Variants in PTPRT observed in about 807,000 individuals in gnomAD.
PTPRT encodes protein tyrosine phosphatase receptor type T.
In PTPRT, 56 loss-of-function variants were observed where a neutral mutation model predicts 176.8. The observed-to-expected ratio is 0.32, with a 90% confidence interval of 0.26 to 0.40. The LOEUF is 0.40. Ranked by LOEUF, PTPRT falls within the 10% of genes least tolerant of loss-of-function variation. The pLI is 1.00. For synonymous variants in PTPRT, 783 were observed against 739.0 expected, an observed-to-expected ratio of 1.06 and a Z score of -0.96; for missense variants, 1,540 against 1,908.2, an observed-to-expected ratio of 0.81 and a Z score of 3.60.
chr20:42,463,433 T>C (rs1344380966), intron 8 of PTPRT, among the ~76,000 whole-genome samples: 2 of 152,178 alleles, frequency 1.3e-5, no homozygotes, highest in African/African-American at 4.8e-5. Context: ...CTAAAATTGC[T>C]AATTTTAACT....
intron 2 of PTPRT, among the ~76,000 whole-genome samples, chr20:42,851,655 A>G (rs1052899770): frequency 6.6e-6 from 1 of 152,222 alleles, no homozygotes; most frequent in Non-Finnish European, 1.5e-5. Context: ...TATTTTTCGT[A>G]AAGAGCTAGA....
chr20:42,852,444 A>G (rs1210189512), intron 2 of PTPRT, among the ~76,000 whole-genome samples: 1 of 152,196 alleles, frequency 6.6e-6, no homozygotes, highest in Non-Finnish European at 1.5e-5. Context: ...GCACATAGAA[A>G]AAACCTGCTA....
In PTPRT at chr20:42,963,587, A is replaced by C. The variant is rs1049662663; in HGVS notation, c.89-77655T>G. On this transcript the variant is annotated intron_variant, in intron 1 of 30. Transcript: ENST00000373187. ...TTATAGAAAGAATATAAATGCTATA[A>C]ATAGTTCTTTGTAAAAGATAGAGAC... Among the ~76,000 whole-genome samples, 6 of 150,032 alleles carry C rather than the reference A, an allele frequency of 4.0e-5. No homozygotes were observed. The South Asian group carries it at 1.0e-3, about 26-fold the overall frequency.
At chr20:42,241,841 A>G (rs1251715331) in intron 14 of PTPRT, among the ~76,000 whole-genome samples, 3 of 152,104 alleles carry the variant, frequency 2.0e-5, no homozygotes, top group Non-Finnish European at 4.4e-5. Context: ...CCACCTCGAT[A>G]AATCACTCAA....
chr20:42,322,370 C>T lies in PTPRT; in HGVS notation c.1866-6374G>A, dbSNP rs1037000865. ...CCTGACTTCAAACTATACTACAAGG[C>T]TACAGTAACCAAAACAGCATGGTAC... On this transcript the variant is annotated intron_variant, in intron 11 of 30. Transcript: ENST00000373187. Among the ~76,000 whole-genome samples, 42 of 146,930 alleles carry T rather than the reference C, an allele frequency of 2.9e-4. 1 individual carries two copies. The highest frequency in any genetic ancestry group is 2.6e-3 in the Admixed American group (38 of 14,896).
chr20:42,509,664 C>T, intron 7 of PTPRT, among the ~76,000 whole-genome samples: 1 of 151,604 alleles, frequency 6.6e-6, no homozygotes, highest in East Asian at 1.9e-4. Flanking sequence ...CAGAATAGCT[C>T]AGGATTCTTT....
At chr20:43,151,610 C>A (rs2014357948) in intron 1 of PTPRT, among the ~76,000 whole-genome samples, 1 of 152,002 alleles carries the variant, frequency 6.6e-6, no homozygotes, top group African/African-American at 2.4e-5. Flanking sequence ...ATCTGCAATC[C>A]CAGCACTTCA....
chr20:42,186,660 G>A (rs2146618338), intron 16 of PTPRT, among the ~76,000 whole-genome samples: 1 of 152,178 alleles, frequency 6.6e-6, no homozygotes, highest in Non-Finnish European at 1.5e-5. Context: ...CAAAAGAATT[G>A]TTTTAACCCA....
At position 42,119,013 on chromosome 20, in the gene PTPRT, G is replaced by GAAAA. The variant is rs11415242; in HGVS notation, c.2885-517_2885-514dup. Reference sequence around the variant, plus strand: ...CTCTAGGGCCTCAACAGAAAGGAAGGAAAAAAAAAAAAAAAAAAAAAAAAA... The same window carrying GAAAA: ...CTCTAGGGCCTCAACAGAAAGGAAGGAAAAAAAAAAAAAAAAAAAAAAAAAAAAA... On this transcript the variant is annotated intron_variant, in intron 20 of 30. Coordinates refer to ENST00000373187, the MANE Select transcript of PTPRT (RefSeq NM_007050.6). 9.9e-4 allele frequency among the ~76,000 whole-genome samples: 29 copies of GAAAA among 29,222 alleles called. 3 individuals carry two copies. Among genetic ancestry groups the GAAAA allele is most frequent in the Admixed American group, 1.4e-3 (3 of 2,174 alleles). 19.2% of individuals were successfully genotyped at this position (29,222 alleles called of 152,430 possible).
chr20:42,116,141 A>G (rs1987272273), intron 21 of PTPRT: 1 of 714,402 alleles, frequency 1.4e-6, no homozygotes, highest in South Asian at 1.5e-5. Flanking sequence ...AAAACAAACA[A>G]AAAAAGGTTT....
intron 1 of PTPRT, among the ~76,000 whole-genome samples, chr20:42,906,025 C>T (rs1169697586): frequency 6.6e-6 from 1 of 152,098 alleles, no homozygotes; most frequent in African/African-American, 2.4e-5. Context: ...ATGTATCGAA[C>T]CTGCACGTTG....
intron 7 of PTPRT, among the ~76,000 whole-genome samples, chr20:42,670,038 C>T (rs983228522): frequency 1.3e-5 from 2 of 152,144 alleles, no homozygotes; most frequent in Non-Finnish European, 2.9e-5. Context: ...ACAACATGCA[C>T]ACAGCCACAT....
intron 1 of PTPRT, among the ~76,000 whole-genome samples, chr20:43,114,286 G>C (rs2012972182): frequency 6.6e-6 from 1 of 152,154 alleles, no homozygotes; most frequent in African/African-American, 2.4e-5. Context: ...GGCTATATGT[G>C]TAATGGTTTA....
At chr20:42,631,343 G>T (rs1347097723) in intron 7 of PTPRT, among the ~76,000 whole-genome samples, 2 of 152,092 alleles carry the variant, frequency 1.3e-5, no homozygotes, top group Non-Finnish European at 2.9e-5. Flanking sequence ...AAATGTTCCT[G>T]AAGACTTAAA....
At chr20:42,954,688 G>A (rs1981507585) in intron 1 of PTPRT, among the ~76,000 whole-genome samples, 1 of 152,260 alleles carries the variant, frequency 6.6e-6, no homozygotes, top group East Asian at 1.9e-4. Context: ...AAGCAAAAGA[G>A]ATTTCCTGTT....
intron 9 of PTPRT, among the ~76,000 whole-genome samples, chr20:42,405,319 T>C (rs527747033): frequency 6.6e-6 from 1 of 152,100 alleles, no homozygotes; most frequent in East Asian, 1.9e-4. Flanking sequence ...ATTATGTATA[T>C]CTCCTAATGC....
intron 1 of PTPRT, among the ~76,000 whole-genome samples, chr20:43,174,587 C>T (rs2015082726): frequency 6.6e-6 from 1 of 152,132 alleles, no homozygotes; most frequent in Non-Finnish European, 1.5e-5. Flanking sequence ...GATTTTTCCC[C>T]TTCTTGCATT....
rs369729101 is a variant in PTPRT, at chr20:42,713,449, T to C, written c.860-35290A>G. Among the ~76,000 whole-genome samples, 63 of 152,316 alleles carry C rather than the reference T, an allele frequency of 4.1e-4. 1 individual carries two copies. Among genetic ancestry groups the C allele is most frequent in the East Asian group, 3.9e-3 (20 of 5,176 alleles). On this transcript the variant is annotated intron_variant, in intron 6 of 30. Transcript: ENST00000373187. ...CTGGAGCCCACTACCCAAAGGTTTC[T>C]CATGGGCAAAATTTTTCTCTTCTCT...
intron 7 of PTPRT, among the ~76,000 whole-genome samples, chr20:42,636,297 T>G (rs1272038209): frequency 6.6e-6 from 1 of 152,172 alleles, no homozygotes; most frequent in Non-Finnish European, 1.5e-5. Flanking sequence ...ACCCGTTACA[T>G]ACAAGTTAAA....
Sources: allele counts gnomAD v4.1 joint callset (sites outside exome capture counted in the v4.1 genomes callset), GRCh38; gene constraint gnomAD v4.1.1; transcripts MANE v1.5; gene names NCBI Gene and HGNC (gene_info 2026-07-23, HGNC 2026-07-21).